The following CEP97 variants were observed in gnomAD, a reference collection of about 807,000 sequenced individuals.
CEP97 encodes centrosomal protein of 97 kDa.
Under a neutral mutation model 73.1 loss-of-function variants are expected in CEP97, and 43 were observed. The observed-to-expected ratio is 0.59, with a 90% CI of 0.46 to 0.76. The LOEUF is 0.76. CEP97 is among the 30% of genes least tolerant of loss of function. CEP97 has a pLI of 0.00. For missense variants in CEP97, 939 were observed against 1,014.0 expected, an observed-to-expected ratio of 0.93 and a Z score of 1.00; for synonymous variants, 337 against 370.0, an observed-to-expected ratio of 0.91 and a Z score of 1.02.
chr3:101,756,087 A>AT (rs1409731953), intron 7 of CEP97, among the ~76,000 whole-genome samples: 1 of 151,616 alleles, frequency 6.6e-6, no homozygotes, highest in East Asian at 1.9e-4. Flanking sequence ...TTAAGACATA[A>AT]TATCACTCTG....
At position 101,757,915 on chromosome 3, in the gene CEP97, G is replaced by A; in HGVS notation, c.1309G>A (p.Asp437Asn). ...NLGLEDDGVA[D>N]ESVKGLESQV... ...GGGCCTAGAAGATGATGGTGTTGCA[G>A]ATGAATCTGTGAAAGGGCTGGAAAG... The change falls in exon 9 of 11, where the codon GAT becomes AAT. Residue 437 changes from aspartate (D) to asparagine (N), a missense_variant. Coordinates refer to ENST00000341893, the MANE Select transcript of CEP97 (RefSeq NM_024548.4). The A allele has an allele frequency of 6.2e-7, 1 of 1,614,270 alleles. No individual in the cohort carries two copies. The highest frequency in any genetic ancestry group is 2.2e-5 in the East Asian group (1 of 44,890).
chr3:101,769,667 A>G lies in CEP97; in HGVS notation c.*4116A>G, dbSNP rs144197571. On this transcript the variant is annotated 3_prime_UTR_variant, in exon 11 of 11. Coordinates refer to ENST00000341893, the MANE Select transcript of CEP97 (RefSeq NM_024548.4). Reference sequence around the variant, plus strand: ...TTATTTTTTCCAAACACCAGCTCGAATCAGAGTATATTTTTATTTTGCCAC... The same window carrying G: ...TTATTTTTTCCAAACACCAGCTCGAGTCAGAGTATATTTTTATTTTGCCAC... 1 of 152,318 alleles carries G rather than the reference A, an allele frequency of 6.6e-6. No homozygotes were observed. Among genetic ancestry groups the G allele is most frequent in the East Asian group, 1.9e-4 (1 of 5,190 alleles). 9.4% of individuals were successfully genotyped at this position (152,318 alleles called of 1,614,324 possible).
Position 101,731,914 on chromosome 3 carries a change from A to G in CEP97, c.522A>G (p.Ile174Met). 1 of 1,610,094 alleles carries G rather than the reference A, an allele frequency of 6.2e-7. No individual in the cohort carries two copies. The highest frequency in any genetic ancestry group is 2.2e-5 in the East Asian group (1 of 44,842). Reference protein sequence around the residue: ...APAYLPRSLAILSLAENEIRD... With the variant: ...APAYLPRSLAMLSLAENEIRD... ...CTTACCTACCCAGAAGTCTTGCTAT[A>G]CTTTCTTTGGCAGAAAATGAAATCC... is the stretch of plus-strand genomic sequence containing the variant. Residue 174 changes from isoleucine to methionine, a missense_variant, in exon 5 of 11, where the codon ATA becomes ATG. Ile to Met is a conservative substitution (Grantham distance 10). Coordinates refer to ENST00000341893, the MANE Select transcript of CEP97 (RefSeq NM_024548.4).
chr3:101,725,541 T>C (rs977241994), intron 1 of CEP97, among the ~76,000 whole-genome samples: 3 of 152,148 alleles, frequency 2.0e-5, no homozygotes, highest in African/African-American at 7.2e-5. Flanking sequence ...CCCCTTGGAA[T>C]TGTGTACAAA....
intron 6 of CEP97, among the ~76,000 whole-genome samples, chr3:101,734,281 GTAAGGAAC>G (rs1938208321): frequency 6.6e-6 from 1 of 152,214 alleles, no homozygotes. Flanking sequence ...TTTAGGGGAG[GTAAGGAAC>G]TAGGATATGG....
rs140247448 is a variant in CEP97, at chr3:101,727,616, T to C, written c.345+75T>C. 2.3e-4 allele frequency: 326 copies of C among 1,403,184 alleles called. 2 individuals carry two copies. In the East Asian group the frequency reaches 4.5e-3, roughly 19 times the overall value. 86.9% of individuals were successfully genotyped at this position (1,403,184 alleles called of 1,614,324 possible). ...CAAGCAATGTAGAAATAAGTCAAAT[T>C]AAAAAGTGAAAGTACCCACTCCCAC... On this transcript the variant is annotated intron_variant, in intron 3 of 10. Coordinates refer to ENST00000341893, the MANE Select transcript of CEP97 (RefSeq NM_024548.4).
rs183786171 is a variant in CEP97, at chr3:101,758,006, T to A, written c.1400T>A (p.Met467Lys). 4.9e-4 allele frequency: 785 copies of A among 1,614,198 alleles called. 8 individuals carry two copies. In the East Asian group the frequency reaches 0.015, roughly 30 times the overall value. The change falls in exon 9 of 11, where the codon ATG becomes AAG. Residue 467 changes from methionine (M) to lysine (K), a missense_variant. Transcript: ENST00000341893. ...GCAAATGAGAATTCTGTTCAAATGATGAGAAGTGAAATCAATACAGAGGTA... is the reference window on the plus strand; with the variant it reads ...GCAAATGAGAATTCTGTTCAAATGAAGAGAAGTGAAATCAATACAGAGGTA... ...WAANENSVQMMRSEINTEVNE... is the reference protein window; with the variant it reads ...WAANENSVQMKRSEINTEVNE...
rs1457594158 is a variant in CEP97 at position 101,732,606 on chromosome 3, G to C, written c.680G>C (p.Cys227Ser). The stretch of plus-strand genomic sequence containing the variant: ...TATCGGCCGTACATCGTCAGCTGGT[G>C]CCTAAACCTCAGAGTCCTAGATGGA... ...FDYRPYIVSW[C>S]LNLRVLDGYV... Residue 227 changes from cysteine (C) to serine (S), a missense_variant, in exon 6 of 11, where the codon TGC becomes TCC. Cys to Ser is a moderately radical substitution (Grantham distance 112). Transcript: ENST00000341893. The C allele has an allele frequency of 6.2e-7, 1 of 1,613,950 alleles. No individual in the cohort carries two copies. Among genetic ancestry groups the C allele is most frequent in the African/African-American group, 1.3e-5 (1 of 74,918 alleles).
chr3:101,761,028 A>AT (rs904649327), intron 9 of CEP97, among the ~76,000 whole-genome samples: 190 of 147,990 alleles, frequency 1.3e-3, no homozygotes, highest in South Asian at 0.011. Flanking sequence ...TGCCCAGCTA[A>AT]TTTTTTTTTT....
intron 3 of CEP97, among the ~76,000 whole-genome samples, chr3:101,727,938 C>T (rs570857513): frequency 2.0e-5 from 3 of 152,108 alleles, no homozygotes; most frequent in African/African-American, 4.8e-5. Flanking sequence ...CATATTTCTG[C>T]GTCTTATTTT....
intron 4 of CEP97, among the ~76,000 whole-genome samples, chr3:101,730,228 GTTT>G (rs200862375): frequency 4.3e-5 from 5 of 115,528 alleles, no homozygotes; most frequent in Admixed American, 9.6e-5. Flanking sequence ...GGCCGAGTCT[GTTT>G]TTTTGTTTTG....
intron 6 of CEP97, among the ~76,000 whole-genome samples, chr3:101,751,249 C>A (rs1421001208): frequency 3.3e-5 from 5 of 152,160 alleles, no homozygotes; most frequent in Admixed American, 2.0e-4. Flanking sequence ...ATCCTGAGTT[C>A]TAGTTTGATT....
chr3:101,731,993 A>G, intron 5 of CEP97, 40 bp downstream of exon 5: 1 of 1,156,874 alleles, frequency 8.6e-7, no homozygotes, highest in Non-Finnish European at 1.3e-6. Flanking sequence ...AGGAAGCTGG[A>G]AATCCTAGGA....
intron 10 of CEP97, chr3:101,763,212 T>C (rs1939216803): frequency 8.1e-7 from 1 of 1,230,832 alleles, no homozygotes; most frequent in Admixed American, 3.3e-5. Flanking sequence ...TGGCCAAATT[T>C]GTTATAATAG....
At position 101,724,697 on chromosome 3, in the gene CEP97, C is replaced by T. The variant is rs370058080; in HGVS notation, c.21C>T (p.Asp7=). Residue 7 remains aspartate, a synonymous_variant, in exon 1 of 11, where the codon GAC becomes GAT. Coordinates refer to ENST00000341893, the MANE Select transcript of CEP97 (RefSeq NM_024548.4). ...CAAATATGGCGGTGGCGCGCGTGGACGCGGCTTTGCCTCCCGGAGAAGGTA... is the reference window on the plus strand; with the variant it reads ...CAAATATGGCGGTGGCGCGCGTGGATGCGGCTTTGCCTCCCGGAGAAGGTA... The part of the protein sequence containing the change: MAVARV[D]AALPPGEGSV... 14 of 1,614,174 alleles carry T rather than the reference C, an allele frequency of 8.7e-6. No homozygotes were observed. The African/African-American group carries it at 1.5e-4, about 17-fold the overall frequency.
At chr3:101,756,975 C>A (rs1939022025) in intron 7 of CEP97, 88 bp from the exon 8 acceptor site, 1 of 1,263,660 alleles carries the variant, frequency 7.9e-7, no homozygotes, top group East Asian at 2.4e-5. Flanking sequence ...TTGTAAACTT[C>A]TGCCTTTTTG....
intron 10 of CEP97, 96 bp downstream of exon 10, chr3:101,762,656 C>G: frequency 1.1e-6 from 1 of 883,746 alleles, no homozygotes; most frequent in Non-Finnish European, 1.7e-6. Flanking sequence ...ATTAAGCACT[C>G]TTGTTCAAGG....
intron 6 of CEP97, among the ~76,000 whole-genome samples, chr3:101,742,311 A>G (rs1430810313): frequency 6.6e-6 from 1 of 152,188 alleles, no homozygotes; most frequent in African/African-American, 2.4e-5. Context: ...CACTTTTCAC[A>G]ATAGCAAAGA....
intron 8 of CEP97, 106 bp from the exon 9 acceptor site, chr3:101,757,528 G>A: frequency 3.7e-6 from 4 of 1,067,108 alleles, no homozygotes; most frequent in Non-Finnish European, 5.3e-6. Flanking sequence ...TCACTGAGGG[G>A]ATTTTTTTGC....
Sources: allele counts gnomAD v4.1 joint callset (sites outside exome capture counted in the v4.1 genomes callset), GRCh38; gene constraint gnomAD v4.1.1; transcripts MANE v1.5; gene names NCBI Gene and HGNC (gene_info 2026-07-23, HGNC 2026-07-21).